Variants in UNC5D observed in about 807,000 individuals in gnomAD.
UNC5D encodes netrin receptor UNC5D.
A neutral mutation model predicts 105.4 loss-of-function variants in UNC5D; 39 were observed. The ratio of observed to expected loss-of-function variants is 0.37; its 90% CI spans 0.29 to 0.48. UNC5D has a LOEUF of 0.48. Among genes scored for constraint, UNC5D ranks in the 20% least tolerant of loss-of-function variants. The pLI is 0.98. For missense variants in UNC5D, 991 were observed against 1,202.4 expected (o/e 0.82, Z 2.60); for synonymous variants, 452 against 450.4 (o/e 1.00, Z -0.04).
At chr8:35,786,214 C>A (rs1479503313) in intron 16 of UNC5D, among the ~76,000 whole-genome samples, 5 of 152,092 alleles carry the variant, frequency 3.3e-5, no homozygotes, top group Non-Finnish European at 7.4e-5. Flanking sequence ...CCAATATATT[C>A]TTCTATGTAT....
intron 1 of UNC5D, among the ~76,000 whole-genome samples, chr8:35,403,588 T>G (rs925269794): frequency 1.3e-5 from 2 of 152,208 alleles, no homozygotes; most frequent in Admixed American, 6.5e-5. Flanking sequence ...TTGAGCATCA[T>G]AACATAAAAA....
Position 35,759,301 on chromosome 8 carries a change from T to C in UNC5D, c.2164-19T>C, listed in dbSNP as rs1386579254. The stretch of plus-strand genomic sequence containing the variant: ...GGATATTTCATTATTGATCTTATTT[T>C]CTTTTTCTTCTCCTATAGGAAGTGG... On this transcript the variant is annotated intron_variant, in intron 13 of 16. Transcript: ENST00000404895. 3 of 1,608,916 alleles carry C rather than the reference T, an allele frequency of 1.9e-6. No homozygotes were observed. In the South Asian group the frequency reaches 3.3e-5, roughly 18 times the overall value.
intron 1 of UNC5D, among the ~76,000 whole-genome samples, chr8:35,358,856 G>A (rs1801703380): frequency 6.6e-6 from 1 of 152,048 alleles, no homozygotes; most frequent in Non-Finnish European, 1.5e-5. Flanking sequence ...GTATTTTTTG[G>A]TATTTTTGTG....
Position 35,795,099 on chromosome 8 carries a change from TAAA to T in UNC5D, c.*4540_*4542del, listed in dbSNP as rs1252005646. On this transcript the variant is annotated 3_prime_UTR_variant, in exon 17 of 17. Coordinates refer to ENST00000404895, the MANE Select transcript of UNC5D (RefSeq NM_080872.4). ...ACCCGCCCTCCATCTGACCCAAAGA[TAAA>T]AAAGGCATCAAGCTTCATGGTTATG... 6.6e-6 allele frequency: 1 copy of T among 152,240 alleles called. No homozygotes were observed. The highest frequency in any genetic ancestry group is 2.4e-5 in the African/African-American group (1 of 41,548). The allele number at this position is 152,240 out of a possible 1,614,324, so 9.4% of individuals were successfully genotyped here.
chr8:35,727,270 G>A (rs1381791749), intron 10 of UNC5D: 5 of 152,230 alleles, frequency 3.3e-5, no homozygotes, highest in East Asian at 1.9e-4. Context: ...ATTTCTGCTC[G>A]GATTTCTAAG....
chr8:35,337,225 C>A (rs185343867), intron 1 of UNC5D, among the ~76,000 whole-genome samples: 1 of 152,274 alleles, frequency 6.6e-6, no homozygotes, highest in East Asian at 1.9e-4. Flanking sequence ...CCCCTCACCT[C>A]CTTCCCAATA....
chr8:35,527,679 A>G (rs1416384766), intron 1 of UNC5D, among the ~76,000 whole-genome samples: 1 of 152,008 alleles, frequency 6.6e-6, no homozygotes, highest in African/African-American at 2.4e-5. Context: ...AGTATCTAGG[A>G]CTACAGGCAT....
intron 1 of UNC5D, among the ~76,000 whole-genome samples, chr8:35,339,467 A>G (rs1457648873): frequency 6.6e-6 from 1 of 152,216 alleles, no homozygotes; most frequent in Non-Finnish European, 1.5e-5. Context: ...GTCTACAGAG[A>G]AAAAGATGTA....
At chr8:35,375,328 C>A (rs1278224602) in intron 1 of UNC5D, among the ~76,000 whole-genome samples, 1 of 152,136 alleles carries the variant, frequency 6.6e-6, no homozygotes, top group Non-Finnish European at 1.5e-5. Flanking sequence ...AGTATAGGTT[C>A]TTAATGTTCC....
At chr8:35,324,694 C>T (rs1465842190) in intron 1 of UNC5D, among the ~76,000 whole-genome samples, 1 of 152,088 alleles carries the variant, frequency 6.6e-6, no homozygotes, top group Non-Finnish European at 1.5e-5. Context: ...GACCATGTTG[C>T]TAAATAAAAA....
At chr8:35,572,965 G>T (rs529508343) in intron 3 of UNC5D, among the ~76,000 whole-genome samples, 1 of 151,838 alleles carries the variant, frequency 6.6e-6, no homozygotes, top group Admixed American at 6.6e-5. Flanking sequence ...CACCACGCCC[G>T]GCTAATTTTT....
At chr8:35,680,052 T>A (rs1164600848) in intron 4 of UNC5D, among the ~76,000 whole-genome samples, 1 of 152,166 alleles carries the variant, frequency 6.6e-6, no homozygotes, top group Non-Finnish European at 1.5e-5. Flanking sequence ...ACCCATTAAT[T>A]CATTAATCCA....
chr8:35,601,156 T>C (rs1373267549), intron 4 of UNC5D, among the ~76,000 whole-genome samples: 1 of 152,186 alleles, frequency 6.6e-6, no homozygotes, highest in Non-Finnish European at 1.5e-5. Flanking sequence ...TCCATTGTTC[T>C]ATATCTCGGT....
At chr8:35,364,776 C>T (rs34748913) in intron 1 of UNC5D, among the ~76,000 whole-genome samples, 14,832 of 152,182 alleles carry the variant, frequency 0.097, 838 homozygotes, top group East Asian at 0.21. Flanking sequence ...CCTACCCCTT[C>T]ACTATTTCTT....
intron 1 of UNC5D, among the ~76,000 whole-genome samples, chr8:35,384,716 C>T (rs868175793): frequency 1.3e-5 from 2 of 152,198 alleles, no homozygotes; most frequent in Admixed American, 6.5e-5. Flanking sequence ...TAAAAATTTC[C>T]GTGTATTTCT....
At chr8:35,275,861 A>AT (rs942591767) in intron 1 of UNC5D, among the ~76,000 whole-genome samples, 2 of 152,022 alleles carry the variant, frequency 1.3e-5, no homozygotes, top group Admixed American at 6.6e-5. Flanking sequence ...TTATAATTAC[A>AT]TTTTTTTTCT....
At chr8:35,290,981 A>G (rs1807024093) in intron 1 of UNC5D, among the ~76,000 whole-genome samples, 1 of 151,936 alleles carries the variant, frequency 6.6e-6, no homozygotes, top group Non-Finnish European at 1.5e-5. Flanking sequence ...GTGACTAGAA[A>G]GAGTGTCAGA....
intron 1 of UNC5D, among the ~76,000 whole-genome samples, chr8:35,267,082 ATTTT>A (rs36035512): frequency 7.3e-6 from 1 of 137,244 alleles, no homozygotes. Flanking sequence ...ACAGGGACTG[ATTTT>A]TTTTTTTTTT....
At chr8:35,261,503 A>C (rs1804490334) in intron 1 of UNC5D, among the ~76,000 whole-genome samples, 1 of 152,168 alleles carries the variant, frequency 6.6e-6, no homozygotes, top group South Asian at 2.1e-4. Flanking sequence ...AGAATCCAAA[A>C]GGTAAACAGC....
Sources: allele counts gnomAD v4.1 joint callset (sites outside exome capture counted in the v4.1 genomes callset), GRCh38; gene constraint gnomAD v4.1.1; transcripts MANE v1.5; gene names NCBI Gene and HGNC (gene_info 2026-07-23, HGNC 2026-07-21).